Variants in MPP2 observed in about 807,000 individuals in gnomAD.
MPP2 encodes MAGUK p55 scaffold protein 2.
Under a neutral mutation model 58.5 loss-of-function variants are expected in MPP2, and 42 were observed. The ratio of observed to expected loss-of-function variants is 0.72; its 90% CI spans 0.56 to 0.93. MPP2 has a LOEUF of 0.93. Ranked by LOEUF, MPP2 falls within the 40% of genes least tolerant of loss-of-function variation. The pLI is 0.00. For missense variants in MPP2, 632 were observed against 760.4 expected (o/e 0.83, Z 1.99); for synonymous variants, 300 against 307.8 (o/e 0.97, Z 0.26).
chr17:43,891,408 G>A (rs1435713274), intron 3 of MPP2, among the ~76,000 whole-genome samples: 5 of 151,856 alleles, frequency 3.3e-5, no homozygotes, highest in African/African-American at 4.8e-5. Context: ...CCAGCTACTC[G>A]GGAGGCTGAG....
At chr17:43,907,722 C>T (rs1292895425), upstream of MPP2, 2 of 985,400 alleles carry the variant, frequency 2.0e-6, no homozygotes, top group Non-Finnish European at 1.2e-6. Context: ...GACCACGACG[C>T]CCTGCTGGAG....
intron 2 of MPP2, among the ~76,000 whole-genome samples, chr17:43,904,195 C>G (rs1219556172): frequency 6.6e-6 from 1 of 152,154 alleles, no homozygotes; most frequent in Non-Finnish European, 1.5e-5. Context: ...AGTTGTGCTC[C>G]AGCCCTACAC....
intron 3 of MPP2, among the ~76,000 whole-genome samples, chr17:43,895,663 ATTAT>A (rs1160754715): frequency 6.6e-6 from 1 of 152,194 alleles, no homozygotes; most frequent in Admixed American, 6.5e-5. Flanking sequence ...TATAATTGTT[ATTAT>A]TTATTTACTT....
At chr17:43,881,683 A>AG (rs1271671958) in intron 6 of MPP2, 94 bp from the exon 7 acceptor site, 16 of 1,479,968 alleles carry the variant, frequency 1.1e-5, no homozygotes, top group Admixed American at 8.5e-5. Flanking sequence ...ACAGAGACTA[A>AG]GGGGCAATGG....
chr17:43,899,738 A>G (rs2048008709), intron 2 of MPP2, among the ~76,000 whole-genome samples: 2 of 152,140 alleles, frequency 1.3e-5, no homozygotes, highest in Admixed American at 6.5e-5. Flanking sequence ...GAAATGGGAC[A>G]TAATGGAGGA....
chr17:43,901,542 CCT>C (rs1166828005), intron 2 of MPP2: 18 of 985,336 alleles, frequency 1.8e-5, no homozygotes, highest in Non-Finnish European at 2.2e-5. Context: ...TCAGACATTC[CCT>C]GAGGAGTGGC....
chr17:43,896,129 C>T (rs2143718234), intron 3 of MPP2, among the ~76,000 whole-genome samples: 1 of 152,226 alleles, frequency 6.6e-6, no homozygotes, highest in East Asian at 1.9e-4. Flanking sequence ...AGAAAACCCA[C>T]CACCTGGCTA....
At chr17:43,893,138 G>A (rs1391863796) in intron 3 of MPP2, among the ~76,000 whole-genome samples, 5 of 152,154 alleles carry the variant, frequency 3.3e-5, no homozygotes, top group Non-Finnish European at 7.3e-5. Flanking sequence ...TGCTATCAAG[G>A]GGGACCCTGC....
At chr17:43,900,231 G>A (rs2048030096) in intron 2 of MPP2, among the ~76,000 whole-genome samples, 1 of 152,178 alleles carries the variant, frequency 6.6e-6, no homozygotes, top group African/African-American at 2.4e-5. Flanking sequence ...GCCCTCAGTG[G>A]GCTCTGAAAG....
Position 43,879,641 on chromosome 17 carries a change from T to C in MPP2, c.1353+141A>G. On this transcript the variant is annotated intron_variant, in intron 11 of 12. Transcript: ENST00000269095. This position sits in a 1 kb window ranked among gnomAD's most constrained non-coding sequence, Gnocchi z 4.1. ...CTGGAAGGCTGAGAAAGGTTCCAGG[T>C]GGGCTGGGTTTCTAGCAGTAGTTGA... The C allele has an allele frequency of 9.3e-7, 1 of 1,069,778 alleles. No individual in the cohort carries two copies. Among genetic ancestry groups the C allele is most frequent in the Non-Finnish European group, 1.3e-6 (1 of 740,770 alleles). 66.3% of individuals were successfully genotyped at this position (1,069,778 alleles called of 1,614,324 possible).
chr17:43,895,652 G>A (rs1209269250), intron 3 of MPP2, among the ~76,000 whole-genome samples: 2 of 152,120 alleles, frequency 1.3e-5, no homozygotes, highest in African/African-American at 4.8e-5. Flanking sequence ...TTTGAAATGT[G>A]TATAATTGTT....
At chr17:43,891,693 C>G (rs1249510209) in intron 3 of MPP2, among the ~76,000 whole-genome samples, 19 of 151,864 alleles carry the variant, frequency 1.3e-4, no homozygotes, top group Admixed American at 1.2e-3. Context: ...CTCAGGAGTT[C>G]AAGACCAGCC....
chr17:43,880,973 T>G lies in MPP2; in HGVS notation c.988+117A>C, dbSNP rs746105284. 174 of 1,524,752 alleles carry G rather than the reference T, an allele frequency of 1.1e-4. 1 individual carries two copies. Among genetic ancestry groups the G allele is most frequent in the Admixed American group, 6.0e-4 (35 of 58,358 alleles). 94.5% of individuals were successfully genotyped at this position (1,524,752 alleles called of 1,614,324 possible). A position where few individuals can be genotyped will look rare whatever the true frequency, so the allele number is the denominator to read the frequency against. ...GAGCAGGGGGGAGTCGGGCAGGGCC[T>G]AGGGACACGGCTGGCAGCATCTGAG... On this transcript the variant is annotated intron_variant, in intron 9 of 12. Coordinates refer to ENST00000269095, the MANE Select transcript of MPP2 (RefSeq NM_005374.5). This position sits in a 1 kb window ranked among gnomAD's most constrained non-coding sequence, Gnocchi z 5.2.
In MPP2 at chr17:43,906,145, T is replaced by A. The variant is rs115636898; in HGVS notation, c.-34+1329A>T. 1,895 of 984,488 alleles carry A rather than the reference T, an allele frequency of 1.9e-3. 32 individuals are homozygous for A. In the African/African-American group the frequency reaches 0.03, roughly 16 times the overall value. The allele number at this position is 984,488 out of a possible 1,614,324, so 61.0% of individuals were successfully genotyped here. ...GTCAGAGAAGGGACTCCAGAAGTCC[T>A]CCTTCCCTAGAGCGTGGAGGGCGGG... On this transcript the variant is annotated intron_variant, in intron 1 of 12. Coordinates refer to ENST00000269095, the MANE Select transcript of MPP2 (RefSeq NM_005374.5).
chr17:43,889,195 G>T (rs146019282), intron 3 of MPP2, among the ~76,000 whole-genome samples: 1 of 151,990 alleles, frequency 6.6e-6, no homozygotes, highest in Non-Finnish European at 1.5e-5. Flanking sequence ...CAAAGTGCTG[G>T]AATTACAGGC....
chr17:43,897,873 C>A lies in MPP2; in HGVS notation c.150+389G>T, dbSNP rs143370569. 2.6e-3 allele frequency among the ~76,000 whole-genome samples: 396 copies of A among 152,370 alleles called. 1 individual carries two copies. The highest frequency in any genetic ancestry group is 7.8e-3 in the African/African-American group (323 of 41,586). ...CATTACCAAATTGTCCTATAATTTT[C>A]TCTTTTAGTCAATCTCTCCCCAACC... On this transcript the variant is annotated intron_variant, in intron 3 of 12. Coordinates refer to ENST00000269095, the MANE Select transcript of MPP2 (RefSeq NM_005374.5).
intron 2 of MPP2, among the ~76,000 whole-genome samples, chr17:43,899,757 C>T (rs2048010073): frequency 6.6e-6 from 1 of 152,126 alleles, no homozygotes; most frequent in Non-Finnish European, 1.5e-5. Flanking sequence ...GACACGATAA[C>T]ACCTGCAGCT....
chr17:43,909,540 AC>A (rs1392193039), upstream of MPP2: 1 of 1,420,696 alleles, frequency 7.0e-7, no homozygotes. Flanking sequence ...AGCAATTATT[AC>A]CTCCATAGCG....
At chr17:43,895,104 TTTTA>T (rs899220549) in intron 3 of MPP2, among the ~76,000 whole-genome samples, 1 of 151,310 alleles carries the variant, frequency 6.6e-6, no homozygotes, top group African/African-American at 2.5e-5. Flanking sequence ...GTGCCAAACT[TTTTA>T]TTTATTTATT....
Sources: allele counts gnomAD v4.1 joint callset (sites outside exome capture counted in the v4.1 genomes callset), GRCh38; gene constraint gnomAD v4.1.1; non-coding constraint Gnocchi (gnomAD v3.1); transcripts MANE v1.5; gene names NCBI Gene and HGNC (gene_info 2026-07-23, HGNC 2026-07-21).